The following FAM135A variants were observed in gnomAD, a reference collection of about 807,000 sequenced individuals.
FAM135A encodes the protein protein FAM135A.
A neutral mutation model predicts 146.8 loss-of-function variants in FAM135A; 79 were observed. The observed-to-expected ratio is 0.54, with a 90% CI of 0.45 to 0.65. The LOEUF (loss-of-function observed/expected upper bound fraction) is 0.65. FAM135A is among the 30% of genes least tolerant of loss of function. The probability of loss-of-function intolerance (pLI) is 0.00; values close to 1 mark genes in which losing one functional copy is unlikely to be tolerated. For synonymous variants in FAM135A, 562 were observed against 603.6 expected (o/e 0.93, Z 1.01); for missense variants, 1,623 against 1,758.2 (o/e 0.92, Z 1.38).
At chr6:70,447,364 A>G (rs370232528) in intron 4 of FAM135A, among the ~76,000 whole-genome samples, 2 of 152,200 alleles carry the variant, frequency 1.3e-5, no homozygotes, top group African/African-American at 4.8e-5. Context: ...ACAGAAGTAG[A>G]TATAACAATT....
Position 70,508,767 on chromosome 6 carries a change from G to A in FAM135A, c.1029+5976G>A, listed in dbSNP as rs550584472. ...AATACATAGGGTTGCCAGATGAAAT[G>A]CAGAATGCCCAGTTAAATTTGGATT... is the stretch of plus-strand genomic sequence containing the variant. On this transcript the variant is annotated intron_variant, in intron 12 of 21. Transcript: ENST00000418814. Among the ~76,000 whole-genome samples the A allele has an allele frequency of 4.6e-5, 7 of 152,296 alleles. No individual in the cohort carries two copies. In the South Asian group the frequency reaches 1.5e-3, roughly 32 times the overall value.
At chr6:70,453,940 G>A (rs557612546) in intron 5 of FAM135A, among the ~76,000 whole-genome samples, 4 of 152,110 alleles carry the variant, frequency 2.6e-5, no homozygotes, top group Admixed American at 6.6e-5. Context: ...TAATGAGATC[G>A]CTGGGTCAAA....
intron 20 of FAM135A, among the ~76,000 whole-genome samples, chr6:70,553,808 T>C (rs1445727684): frequency 6.6e-6 from 1 of 152,124 alleles, no homozygotes; most frequent in Non-Finnish European, 1.5e-5. Context: ...ATGGAAGTCA[T>C]GAGACCAGCA....
rs1794480080 is a variant in FAM135A, at chr6:70,525,313, AT to A, written c.2230del (p.Tyr744IlefsTer4). On this transcript the variant is annotated frameshift_variant, in exon 15 of 22. Transcript: ENST00000418814. LOFTEE classifies it high-confidence loss of function. Reference sequence around the variant, plus strand: ...ATCTACCTGCCCCTTCTACAAAAGAATATCATGTTGTAGTAAGTGGAGATAC... The same window carrying A: ...ATCTACCTGCCCCTTCTACAAAAGAAATCATGTTGTAGTAAGTGGAGATAC... ...SNLPAPSTKE[Y>X]HVVVSGDTIK... is the part of the protein sequence containing the mutation. 1 of 1,610,582 alleles carries A rather than the reference AT, an allele frequency of 6.2e-7. No individual in the cohort carries two copies. The highest frequency in any genetic ancestry group is 1.7e-5 in the Admixed American group (1 of 59,446).
chr6:70,424,350 C>A (rs1006812846), intron 2 of FAM135A, among the ~76,000 whole-genome samples: 2 of 152,196 alleles, frequency 1.3e-5, no homozygotes, highest in Non-Finnish European at 2.9e-5. Context: ...TAATAGGATT[C>A]TTTTACGTTT....
chr6:70,508,074 A>G (rs750903719), intron 12 of FAM135A, among the ~76,000 whole-genome samples: 2 of 152,166 alleles, frequency 1.3e-5, no homozygotes, highest in East Asian at 3.8e-4. Flanking sequence ...ACAGCTCAAC[A>G]TAAAAAAGGC....
rs1796172361 is a variant in FAM135A at position 70,533,281 on chromosome 6, C to G, written c.3867+30C>G. The G allele has an allele frequency of 4.5e-6, 7 of 1,568,760 alleles. No homozygotes were observed. The South Asian group carries it at 6.9e-5, about 16-fold the overall frequency. ...AATATGACAGTGTTTTCAGTGAAAA[C>G]AAACATTTTTGTACCAGTTTCTACC... On this transcript the variant is annotated intron_variant, in intron 17 of 21. Coordinates refer to ENST00000418814, the MANE Select transcript of FAM135A (RefSeq NM_001162529.3).
At chr6:70,541,027 A>G (rs1464623886) in intron 20 of FAM135A, among the ~76,000 whole-genome samples, 1 of 152,176 alleles carries the variant, frequency 6.6e-6, no homozygotes, top group Admixed American at 6.5e-5. Context: ...ACCTACCAAC[A>G]TTAATTAACC....
intron 4 of FAM135A, among the ~76,000 whole-genome samples, chr6:70,443,373 AC>A (rs1414704381): frequency 1.3e-5 from 2 of 152,224 alleles, no homozygotes; most frequent in African/African-American, 4.8e-5. Flanking sequence ...ATACACAGAT[AC>A]CTATTATCGT....
Position 70,525,610 on chromosome 6 carries a change from T to C in FAM135A, c.2526T>C (p.Ser842=). 1 of 1,613,552 alleles carries C rather than the reference T, an allele frequency of 6.2e-7. No individual in the cohort carries two copies. Among genetic ancestry groups the C allele is most frequent in the Non-Finnish European group, 8.5e-7 (1 of 1,179,682 alleles). Residue 842 remains serine (S), a synonymous_variant, in exon 15 of 22, where the codon TCT becomes TCC. Transcript: ENST00000418814. ...AGTCATCTTTGACATCCATAAACTC[T>C]CTACCCTCCGATGATGAACTGTCAC... ...EIQSSLTSIN[S]LPSDDELSPD...
chr6:70,522,597 T>A lies in FAM135A; in HGVS notation c.1103+11T>A, dbSNP rs759079831. 3.1e-6 allele frequency: 5 copies of A among 1,606,112 alleles called. No individual in the cohort carries two copies. The highest frequency in any genetic ancestry group is 4.3e-6 in the Non-Finnish European group (5 of 1,175,128). ...ATACCAGGAACTTCAGTGAGTAGTA[T>A]AAATTCAAAATTAAAATGATATTAC... On this transcript the variant is annotated intron_variant, in intron 13 of 21. Transcript: ENST00000418814.
intron 11 of FAM135A, 78 bp from the exon 12 acceptor site, chr6:70,502,558 T>C: frequency 6.9e-7 from 1 of 1,439,766 alleles, no homozygotes; most frequent in South Asian, 1.4e-5. Flanking sequence ...TTTGTATTAA[T>C]ATTCTCAATA....
intron 15 of FAM135A, 98 bp downstream of exon 15, chr6:70,526,796 C>G: frequency 1.3e-6 from 1 of 774,786 alleles, no homozygotes; most frequent in Non-Finnish European, 1.9e-6. Flanking sequence ...CACACACACA[C>G]ACACACATAT....
intron 5 of FAM135A, among the ~76,000 whole-genome samples, chr6:70,459,232 T>G (rs896677200): frequency 1.3e-5 from 2 of 152,190 alleles, no homozygotes; most frequent in South Asian, 4.1e-4. Context: ...GCGCTAAATT[T>G]TACCATAATT....
At chr6:70,480,172 G>T (rs916900962) in intron 8 of FAM135A, among the ~76,000 whole-genome samples, 2 of 152,080 alleles carry the variant, frequency 1.3e-5, no homozygotes, top group African/African-American at 2.4e-5. Context: ...TTCCTCTATG[G>T]AATATAAATG....
At chr6:70,422,935 G>T (rs547001755) in intron 2 of FAM135A, among the ~76,000 whole-genome samples, 2 of 152,302 alleles carry the variant, frequency 1.3e-5, no homozygotes, top group African/African-American at 4.8e-5. Context: ...AGTATGTTAG[G>T]TGGGGATAGG....
chr6:70,442,434 C>G (rs1469512364), intron 4 of FAM135A, among the ~76,000 whole-genome samples: 1 of 151,856 alleles, frequency 6.6e-6, no homozygotes, highest in Admixed American at 6.6e-5. Context: ...TTACGTGGGT[C>G]CAAAACCAAA....
intron 19 of FAM135A, 114 bp from the exon 20 acceptor site, chr6:70,538,177 T>C (rs1375434541): frequency 1.8e-6 from 1 of 559,408 alleles, no homozygotes; most frequent in African/African-American, 2.0e-5. Context: ...CCAACAAAAA[T>C]GCTAATTTAG....
intron 2 of FAM135A, among the ~76,000 whole-genome samples, chr6:70,424,156 C>G (rs1440987129): frequency 1.3e-5 from 2 of 152,160 alleles, no homozygotes; most frequent in African/African-American, 2.4e-5. Flanking sequence ...GGTGTTTCTT[C>G]CTTACATTAA....
Sources: allele counts gnomAD v4.1 joint callset (sites outside exome capture counted in the v4.1 genomes callset), GRCh38; gene constraint gnomAD v4.1.1; transcripts MANE v1.5; gene names NCBI Gene and HGNC (gene_info 2026-07-23, HGNC 2026-07-21).